The following RAB6A variants were observed in gnomAD, a reference collection of about 807,000 sequenced individuals.
The protein encoded by RAB6A is ras-related protein Rab-6A.
Under a neutral mutation model 32.3 loss-of-function variants are expected in RAB6A, and 8 were observed. The observed-to-expected ratio is 0.25, with a 90% CI of 0.15 to 0.45. The LOEUF (loss-of-function observed/expected upper bound fraction) is 0.45. Among genes scored for constraint, RAB6A ranks in the 20% least tolerant of loss-of-function variants. The probability of loss-of-function intolerance (pLI) is 1.00; values close to 1 mark genes in which losing one functional copy is unlikely to be tolerated. For synonymous variants in RAB6A, 73 were observed against 82.1 expected, an observed-to-expected ratio of 0.89 and a Z score of 0.60; for missense variants, 104 against 249.4, an observed-to-expected ratio of 0.42 and a Z score of 3.93.
intron 2 of RAB6A, among the ~76,000 whole-genome samples, chr11:73,721,483 A>G (rs1946132182): frequency 2.0e-5 from 3 of 152,220 alleles, no homozygotes; most frequent in Admixed American, 6.5e-5. Flanking sequence ...AAACAAATGT[A>G]AAGTTCTATT....
At chr11:73,704,650 A>G (rs1425205003) in intron 6 of RAB6A, among the ~76,000 whole-genome samples, 2 of 151,792 alleles carry the variant, frequency 1.3e-5, no homozygotes, top group East Asian at 3.9e-4. Flanking sequence ...GTGCCACTGC[A>G]CTCCAGCCTG....
intron 1 of RAB6A, among the ~76,000 whole-genome samples, chr11:73,731,626 C>A (rs372283040): frequency 7.6e-5 from 11 of 144,082 alleles, no homozygotes; most frequent in African/African-American, 2.6e-4. Context: ...ACTTCTCTGG[C>A]AAAGAATTAC....
intron 6 of RAB6A, chr11:73,704,101 G>A (rs566008706): frequency 9.6e-4 from 233 of 243,576 alleles, no homozygotes; most frequent in Non-Finnish European, 1.6e-3. Flanking sequence ...ACTAAAAATC[G>A]ACCAGGCAGA....
intron 1 of RAB6A, among the ~76,000 whole-genome samples, chr11:73,734,678 C>T (rs531576838): frequency 2.2e-4 from 34 of 152,272 alleles, no homozygotes; most frequent in African/African-American, 6.5e-4. Flanking sequence ...ATAGGGTTCT[C>T]GCTCCTATGA....
At chr11:73,745,719 C>T (rs1171595051) in intron 1 of RAB6A, among the ~76,000 whole-genome samples, 2 of 152,092 alleles carry the variant, frequency 1.3e-5, no homozygotes, top group Admixed American at 1.3e-4. Flanking sequence ...GTAATCCCAG[C>T]TACCAAGGAG....
chr11:73,741,993 T>G (rs757306921), intron 1 of RAB6A, among the ~76,000 whole-genome samples: 1 of 151,682 alleles, frequency 6.6e-6, no homozygotes, highest in Non-Finnish European at 1.5e-5. Context: ...AAAGAAAAAA[T>G]AAAATAGGCT....
chr11:73,697,706 G>A (rs926858556), intron 6 of RAB6A, among the ~76,000 whole-genome samples: 4 of 152,150 alleles, frequency 2.6e-5, no homozygotes, highest in African/African-American at 9.6e-5. Context: ...TTCACTAATT[G>A]TCTAACTCTC....
intron 1 of RAB6A, among the ~76,000 whole-genome samples, chr11:73,737,338 AC>A (rs1481238873): frequency 6.6e-6 from 1 of 152,106 alleles, no homozygotes; most frequent in Non-Finnish European, 1.5e-5. Context: ...TTTAAAATTT[AC>A]TAGAGTGTGG....
intron 1 of RAB6A, among the ~76,000 whole-genome samples, chr11:73,749,454 A>G (rs1048614484): frequency 9.9e-5 from 15 of 152,146 alleles, no homozygotes; most frequent in Non-Finnish European, 1.3e-4. Context: ...AATCACCACT[A>G]AAGAACTCTT....
intron 5 of RAB6A, among the ~76,000 whole-genome samples, chr11:73,711,164 G>A (rs1369197899): frequency 2.0e-5 from 3 of 152,148 alleles, no homozygotes; most frequent in Non-Finnish European, 4.4e-5. Flanking sequence ...CATACAGCAC[G>A]GTGGTATGAG....
chr11:73,703,480 G>A (rs1418143800), intron 6 of RAB6A, among the ~76,000 whole-genome samples: 1 of 152,164 alleles, frequency 6.6e-6, no homozygotes, highest in African/African-American at 2.4e-5. Flanking sequence ...AGTGGCTCAC[G>A]CCTGTAATCT....
chr11:73,723,430 A>G (rs567516149), intron 2 of RAB6A, among the ~76,000 whole-genome samples: 63 of 152,038 alleles, frequency 4.1e-4, no homozygotes, highest in Middle Eastern at 3.4e-3. Context: ...GGTTCAAGCA[A>G]TTGTCCTGCC....
At chr11:73,709,508 T>C (rs1590849007) in intron 5 of RAB6A, among the ~76,000 whole-genome samples, 1 of 148,850 alleles carries the variant, frequency 6.7e-6, no homozygotes, top group Admixed American at 6.7e-5. Flanking sequence ...TTTATAGTAA[T>C]TACTGATTTT....
chr11:73,679,860 C>T (rs1945327253), intron 6 of RAB6A, 140 bp from the exon 7 acceptor site: 3 of 1,056,366 alleles, frequency 2.8e-6, no homozygotes, highest in East Asian at 2.6e-5. Context: ...GGGACCCACC[C>T]GAGGTGGGCA....
intron 5 of RAB6A, among the ~76,000 whole-genome samples, chr11:73,708,098 A>G (rs1945879089): frequency 6.6e-6 from 1 of 152,154 alleles, no homozygotes; most frequent in Non-Finnish European, 1.5e-5. Context: ...TTACACTACT[A>G]TGAAAATTGT....
At chr11:73,692,007 A>G (rs912446416) in intron 6 of RAB6A, among the ~76,000 whole-genome samples, 24 of 152,214 alleles carry the variant, frequency 1.6e-4, no homozygotes, top group Admixed American at 5.9e-4. Context: ...GTGCAGCACA[A>G]ATGTTTATAT....
At chr11:73,706,555 T>C (rs1381674258) in intron 6 of RAB6A, among the ~76,000 whole-genome samples, 2 of 151,962 alleles carry the variant, frequency 1.3e-5, no homozygotes, top group Non-Finnish European at 2.9e-5. Context: ...CTTATAAATC[T>C]GGGACCACTA....
chr11:73,753,469 T>C (rs1946699087), intron 1 of RAB6A, among the ~76,000 whole-genome samples: 1 of 151,460 alleles, frequency 6.6e-6, no homozygotes, highest in African/African-American at 2.4e-5. Flanking sequence ...CCCAGCACTT[T>C]GGGAGGCCGA....
chr11:73,727,395 C>T (rs1283065909), intron 2 of RAB6A, among the ~76,000 whole-genome samples: 1 of 150,056 alleles, frequency 6.7e-6, no homozygotes, highest in South Asian at 2.1e-4. Context: ...CACTGCACTC[C>T]AGCCTGGGCG....
Sources: allele counts gnomAD v4.1 joint callset (sites outside exome capture counted in the v4.1 genomes callset), GRCh38; gene constraint gnomAD v4.1.1; transcripts MANE v1.5; gene names NCBI Gene and HGNC (gene_info 2026-07-23, HGNC 2026-07-21).